The following CLEC4A variants were observed in gnomAD, a reference collection of about 807,000 sequenced individuals.
CLEC4A encodes the protein C-type lectin domain family 4 member A.
CLEC4A carries 27 observed loss-of-function variants against 32.7 expected under a neutral mutation model. That is an observed-to-expected ratio of 0.83 (90% CI 0.61 to 1.14). The LOEUF (loss-of-function observed/expected upper bound fraction) is 1.14, where lower values mean the gene tolerates loss of function less well. CLEC4A is among the 50% of genes most tolerant of loss of function. The probability of loss-of-function intolerance (pLI) is 0.00; values close to 1 mark genes in which losing one functional copy is unlikely to be tolerated. For synonymous variants in CLEC4A, 89 were observed against 93.7 expected, an observed-to-expected ratio of 0.95 and a Z score of 0.29; for missense variants, 253 against 274.6, an observed-to-expected ratio of 0.92 and a Z score of 0.55.
chr12:8,104,810 G>T, the CLEC4A span, among the ~76,000 whole-genome samples: 9 of 152,192 alleles, frequency 5.9e-5, no homozygotes, highest in South Asian at 1.0e-3. Flanking sequence ...TCATTCACAC[G>T]TGAGAACATG....
At chr12:8,110,077 T>C in the CLEC4A span, among the ~76,000 whole-genome samples, 1 of 152,282 alleles carries the variant, frequency 6.6e-6, no homozygotes, top group Non-Finnish European at 1.5e-5. Flanking sequence ...TTATAGTATA[T>C]ACCTTTTCAC....
chr12:8,132,881 T>C (rs1948023483), intron 3 of CLEC4A, among the ~76,000 whole-genome samples: 1 of 152,078 alleles, frequency 6.6e-6, no homozygotes. Context: ...AGTTTTTTTG[T>C]TTCTTTGTGG....
At chr12:8,112,361 G>A in the CLEC4A span, among the ~76,000 whole-genome samples, 1 of 152,092 alleles carries the variant, frequency 6.6e-6, no homozygotes, top group South Asian at 2.1e-4. Context: ...GTCAACCCTT[G>A]TCTCCCTTCC....
intron 3 of CLEC4A, among the ~76,000 whole-genome samples, chr12:8,132,600 G>T (rs1201500851): frequency 6.6e-6 from 1 of 152,220 alleles, no homozygotes; most frequent in African/African-American, 2.4e-5. Context: ...CACTGGAAAA[G>T]AATGGGTATT....
chr12:8,114,536 G>A, the CLEC4A span, among the ~76,000 whole-genome samples: 19 of 152,270 alleles, frequency 1.2e-4, no homozygotes, highest in East Asian at 2.3e-3. Flanking sequence ...GAGCCACCGC[G>A]CCCGGCCAAT....
the CLEC4A span, among the ~76,000 whole-genome samples, chr12:8,116,711 T>C: frequency 0.014 from 2,079 of 152,326 alleles, 51 homozygotes; most frequent in African/African-American, 0.047. Flanking sequence ...TTTTCCATCA[T>C]AATGGACCTT....
chr12:8,124,991 A>G (rs764621585), intron 1 of CLEC4A, among the ~76,000 whole-genome samples: 21 of 152,276 alleles, frequency 1.4e-4, no homozygotes, highest in African/African-American at 4.8e-4. Flanking sequence ...AACTCGAAGA[A>G]AGTGATTCCT....
chr12:8,133,747 C>G (rs1948040451), intron 3 of CLEC4A: 6 of 1,587,412 alleles, frequency 3.8e-6, no homozygotes, highest in Non-Finnish European at 5.1e-6. Context: ...CCCCCTGTCC[C>G]CCATTCCTAG....
In CLEC4A at chr12:8,123,714, A is replaced by T. The variant is rs1415575843; in HGVS notation, c.-165A>T. On this transcript the variant is annotated 5_prime_UTR_variant, in exon 1 of 6. It removes an upstream start codon present in the reference 5' UTR. Transcript: ENST00000229332. ...GTTTTTATTGTGGTTCTTAGTTCTC[A>T]TGAGACCCCTCTTGAGGATATGTGC... 1.7e-6 allele frequency: 1 copy of T among 593,058 alleles called. No individual in the cohort carries two copies. The highest frequency in any genetic ancestry group is 2.8e-5 in the East Asian group (1 of 35,360). The allele number at this position is 593,058 out of a possible 1,614,324, so 36.7% of individuals were successfully genotyped here.
chr12:8,121,549 G>C (rs1947830670), upstream of CLEC4A: 1 of 152,522 alleles, frequency 6.6e-6, no homozygotes, highest in Admixed American at 6.5e-5. Flanking sequence ...CAGGGTATTG[G>C]CTTGACAGTG....
At chr12:8,129,967 C>A (rs1171130706) in intron 3 of CLEC4A, among the ~76,000 whole-genome samples, 1 of 152,112 alleles carries the variant, frequency 6.6e-6, no homozygotes, top group Non-Finnish European at 1.5e-5. Context: ...TCCTGAGTAG[C>A]TGAGACTACA....
At chr12:8,115,166 G>A in the CLEC4A span, among the ~76,000 whole-genome samples, 1 of 152,088 alleles carries the variant, frequency 6.6e-6, no homozygotes, top group Non-Finnish European at 1.5e-5. Context: ...GAAGCTTTTC[G>A]ATTTTCTGGC....
chr12:8,110,944 G>T, the CLEC4A span, among the ~76,000 whole-genome samples: 19 of 151,202 alleles, frequency 1.3e-4, no homozygotes, highest in African/African-American at 4.6e-4. Context: ...TGTGATCTCC[G>T]CTCACTACAA....
chr12:8,126,140 C>T (rs142668882), intron 2 of CLEC4A, among the ~76,000 whole-genome samples: 2 of 152,270 alleles, frequency 1.3e-5, no homozygotes, highest in Non-Finnish European at 2.9e-5. Context: ...TCCTGCCCTG[C>T]TCAAGACTGT....
chr12:8,134,488 C>G (rs768050863), intron 3 of CLEC4A: 1 of 1,613,908 alleles, frequency 6.2e-7, no homozygotes, highest in Non-Finnish European at 8.5e-7. Flanking sequence ...TCCAGCTTCA[C>G]GGCACCAGAG....
the CLEC4A span, among the ~76,000 whole-genome samples, chr12:8,110,719 C>T: frequency 2.0e-5 from 3 of 152,140 alleles, no homozygotes; most frequent in East Asian, 5.8e-4. Flanking sequence ...CCTTCCTTCC[C>T]CCATCCCCTA....
chr12:8,116,358 T>C, the CLEC4A span, among the ~76,000 whole-genome samples: 4 of 152,108 alleles, frequency 2.6e-5, no homozygotes, highest in Non-Finnish European at 5.9e-5. Flanking sequence ...TGCCTTGGCT[T>C]CCCAAAGTGT....
At chr12:8,135,437 C>A in intron 3 of CLEC4A, 148 bp from the exon 4 acceptor site, 2 of 696,930 alleles carry the variant, frequency 2.9e-6, no homozygotes, top group Non-Finnish European at 4.5e-6. Context: ...TCCTTGACAC[C>A]TGAGGGGCAG....
At chr12:8,110,679 A>ACAT in the CLEC4A span, among the ~76,000 whole-genome samples, 1 of 152,064 alleles carries the variant, frequency 6.6e-6, no homozygotes, top group African/African-American at 2.4e-5. Flanking sequence ...TCTCTATTAG[A>ACAT]CATCAGGTTT....
Sources: gnomAD v4.1 joint callset for allele counts (sites outside exome capture counted in the v4.1 genomes callset) on GRCh38, gnomAD v4.1.1 for gene constraint, MANE v1.5 for transcripts, NCBI Gene and HGNC (gene_info 2026-07-23, HGNC 2026-07-21) for gene names.